Variants in CASZ1 observed in about 807,000 individuals in gnomAD.
CASZ1 encodes the protein castor zinc finger 1, also known as zinc finger protein castor homolog 1.
A neutral mutation model predicts 135.2 loss-of-function variants in CASZ1; 28 were observed. The ratio of observed to expected loss-of-function variants is 0.21; its 90% CI spans 0.15 to 0.28. The LOEUF (loss-of-function observed/expected upper bound fraction) is 0.28, where lower values mean the gene tolerates loss of function less well. Among genes scored for constraint, CASZ1 ranks in the 10% least tolerant of loss-of-function variants. CASZ1 has a pLI of 1.00. For synonymous variants in CASZ1, 1,068 were observed against 1,073.4 expected, an observed-to-expected ratio of 0.99 and a Z score of 0.10; for missense variants, 2,161 against 2,453.3, an observed-to-expected ratio of 0.88 and a Z score of 2.52.
At position 10,653,446 on chromosome 1, in the gene CASZ1, C is replaced by A; in HGVS notation, c.2611G>T (p.Gly871Cys). 2 of 1,613,336 alleles carry A rather than the reference C, an allele frequency of 1.2e-6. No individual in the cohort carries two copies. Among genetic ancestry groups the A allele is most frequent in the Non-Finnish European group, 1.7e-6 (2 of 1,179,998 alleles). ...SIMERISASK[G>C]LISPMMARLA... ...CTGGCCATCATGGGCGAGATGAGGC[C>A]CTTGCTTGCAGAGATCCTCTCCATG... Residue 871 changes from glycine to cysteine, a missense_variant, in exon 11 of 21, where the codon GGC becomes TGC. This residue lies in a region of CASZ1 where 406 missense variants were observed against 387.6 expected (regional missense o/e 1.05). Coordinates refer to ENST00000377022, the MANE Select transcript of CASZ1 (RefSeq NM_001079843.3).
chr1:10,654,145 C>T lies in CASZ1; in HGVS notation c.1912G>A (p.Asp638Asn), dbSNP rs139056324. Residue 638 changes from aspartate (D) to asparagine (N), a missense_variant, in exon 11 of 21, where the codon GAT (aspartate) becomes AAT (asparagine). Transcript: ENST00000377022. Reference protein sequence around the residue: ...EKHKSYHIKDDAYAKDGFKKF... With the variant: ...EKHKSYHIKDNAYAKDGFKKF... ...TTGAAGCCGTCCTTGGCGTAGGCAT[C>T]GTCCTTGATGTGGTAGCTCTTGTGC... The T allele has an allele frequency of 9.1e-5, 147 of 1,614,230 alleles. No homozygotes were observed. In the African/African-American group the frequency reaches 1.0e-3, roughly 11 times the overall value.
In CASZ1 at chr1:10,757,671, C is replaced by A. The variant is rs991457984; in HGVS notation, c.-77+3030G>T. 6.6e-6 allele frequency among the ~76,000 whole-genome samples: 1 copy of A among 152,148 alleles called. No homozygotes were observed. Among genetic ancestry groups the A allele is most frequent in the Non-Finnish European group, 1.5e-5 (1 of 68,034 alleles). On this transcript the variant is annotated intron_variant, in intron 2 of 20. Coordinates refer to ENST00000377022, the MANE Select transcript of CASZ1 (RefSeq NM_001079843.3). The surrounding 1 kb of genome is among the most constrained non-coding windows in gnomAD (Gnocchi z 4.6). ...GGCATGGTGGCGCTTGCCTATAATCCCAGCCACTCGAGAGGCTGAGGCAGG... is the reference window on the plus strand; with the variant it reads ...GGCATGGTGGCGCTTGCCTATAATCACAGCCACTCGAGAGGCTGAGGCAGG...
At chr1:10,764,083 G>A (rs539149205) in intron 1 of CASZ1, among the ~76,000 whole-genome samples, 91 of 152,304 alleles carry the variant, frequency 6.0e-4, no homozygotes, top group Admixed American at 1.6e-3. Context: ...GACTGGTCTC[G>A]AACTCCTGAC....
chr1:10,656,719 T>C lies in CASZ1; in HGVS notation c.1427A>G (p.His476Arg). Reference sequence around the variant, plus strand: ...GTAGGCACAGTGGATGTGGCCACAGTGCTGGCTGCCCGAGAACCTGGAGGG... The same window carrying C: ...GTAGGCACAGTGGATGTGGCCACAGCGCTGGCTGCCCGAGAACCTGGAGGG... ...KYIARFSGSQHCGHIHCAYQY... is the reference protein window; with the variant it reads ...KYIARFSGSQRCGHIHCAYQY... Residue 476 changes from histidine (H) to arginine (R), a missense_variant, in exon 8 of 21, where the codon CAC becomes CGC. By Grantham distance (29) the His-to-Arg change is conservative (BLOSUM62 0). Coordinates refer to ENST00000377022, the MANE Select transcript of CASZ1 (RefSeq NM_001079843.3). 2.5e-6 allele frequency: 4 copies of C among 1,598,108 alleles called. No homozygotes were observed. Among genetic ancestry groups the C allele is most frequent in the Non-Finnish European group, 3.4e-6 (4 of 1,173,432 alleles).
At position 10,646,418 on chromosome 1, in the gene CASZ1, C is replaced by T. The variant is rs117999173; in HGVS notation, c.3498-92G>A. ...TCACTTGTGTTGGAGTTCACTCCCCCACGACCAGCGGTACCACCAAGAGGG... is the reference window on the plus strand; with the variant it reads ...TCACTTGTGTTGGAGTTCACTCCCCTACGACCAGCGGTACCACCAAGAGGG... On this transcript the variant is annotated intron_variant, in intron 16 of 20. Coordinates refer to ENST00000377022, the MANE Select transcript of CASZ1 (RefSeq NM_001079843.3). The surrounding 1 kb of genome is among the most constrained non-coding windows in gnomAD (Gnocchi z 6.4). 3.2e-6 allele frequency: 4 copies of T among 1,234,950 alleles called. No homozygotes were observed. The highest frequency in any genetic ancestry group is 2.5e-5 in the East Asian group (1 of 40,340). The allele number at this position is 1,234,950 out of a possible 1,614,324, so 76.5% of individuals were successfully genotyped here.
intron 1 of CASZ1, among the ~76,000 whole-genome samples, chr1:10,779,800 C>A (rs181151500): frequency 6.6e-6 from 1 of 152,172 alleles, no homozygotes; most frequent in African/African-American, 2.4e-5. Flanking sequence ...CAGGTGACAC[C>A]GTATTTATTC....
chr1:10,669,442 T>C (rs1643338926), intron 4 of CASZ1, among the ~76,000 whole-genome samples: 1 of 152,194 alleles, frequency 6.6e-6, no homozygotes, highest in Non-Finnish European at 1.5e-5. Context: ...TTTACTGATA[T>C]TTATAAATAT....
Position 10,646,090 on chromosome 1 carries a change from C to T in CASZ1, c.3696+38G>A. Reference sequence around the variant, plus strand: ...TGAGCTAGCCCTGCACCTCCCTGCCCCCTACTCTGCCCCTGCGCCGTGTAC... The same window carrying T: ...TGAGCTAGCCCTGCACCTCCCTGCCTCCTACTCTGCCCCTGCGCCGTGTAC... On this transcript the variant is annotated intron_variant, in intron 17 of 20. Transcript: ENST00000377022. The surrounding 1 kb of genome is among the most constrained non-coding windows in gnomAD (Gnocchi z 6.4). 1.2e-5 allele frequency: 20 copies of T among 1,602,528 alleles called. No individual in the cohort carries two copies. Among genetic ancestry groups the T allele is most frequent in the Non-Finnish European group, 1.7e-5 (20 of 1,170,686 alleles).
chr1:10,709,377 G>A lies in CASZ1; in HGVS notation c.-76-3833C>T, dbSNP rs1257353690. 6.6e-6 allele frequency among the ~76,000 whole-genome samples: 1 copy of A among 152,176 alleles called. No individual in the cohort carries two copies. The highest frequency in any genetic ancestry group is 2.4e-5 in the African/African-American group (1 of 41,440). On this transcript the variant is annotated intron_variant, in intron 2 of 20. Transcript: ENST00000377022. The surrounding 1 kb of genome is among the most constrained non-coding windows in gnomAD (Gnocchi z 5.1). Reference sequence around the variant, plus strand: ...CAGGGGCTGGGGCCATGTCAGCCCGGCAGTGTGAGGAGGGGGGCGGCATAG... The same window carrying A: ...CAGGGGCTGGGGCCATGTCAGCCCGACAGTGTGAGGAGGGGGGCGGCATAG...
rs201529118 is a variant in CASZ1, at chr1:10,639,683, C to A, written c.4539G>T (p.Thr1513=). The part of the protein sequence containing the change: ...FADCPFSGTS[T]HFHCLRCRFR... ...AGCGGCAGCGCAGGCAGTGGAAGTG[C>A]GTGCTGGTGCCCGAGAAGGGGCAGT... Residue 1513 remains threonine, a synonymous_variant, in exon 21 of 21, where the codon ACG becomes ACT. Coordinates refer to ENST00000377022, the MANE Select transcript of CASZ1 (RefSeq NM_001079843.3). This position sits in a 1 kb window ranked among gnomAD's most constrained non-coding sequence, Gnocchi z 4.0. 844 of 1,598,370 alleles carry A rather than the reference C, an allele frequency of 5.3e-4. 4 individuals are homozygous for A. The African/African-American group carries it at 9.9e-3, about 19-fold the overall frequency.
At chr1:10,782,664 G>A (rs1327092464) in intron 1 of CASZ1, among the ~76,000 whole-genome samples, 2 of 152,122 alleles carry the variant, frequency 1.3e-5, no homozygotes, top group Non-Finnish European at 2.9e-5. Context: ...GGAACCCAGA[G>A]TAAAATGTAC....
chr1:10,674,434 G>A (rs1476342951), intron 4 of CASZ1, among the ~76,000 whole-genome samples: 3 of 152,262 alleles, frequency 2.0e-5, no homozygotes, highest in Non-Finnish European at 4.4e-5. Context: ...TGCTGCGGGA[G>A]GGCGTCCAGC....
chr1:10,660,067 C>T lies in CASZ1; in HGVS notation c.975G>A (p.Leu325=), dbSNP rs1464023954. 1 of 1,614,184 alleles carries T rather than the reference C, an allele frequency of 6.2e-7. No homozygotes were observed. The highest frequency in any genetic ancestry group is 1.1e-5 in the South Asian group (1 of 91,088). ...TGTAGGTGCTCCCGTTCTGGGGCCG[C>T]AGATTCTCGCCGGTCTTCAGTTTTT... ...FIQKLKTGEN[L]RPQNGSTYKK... Residue 325 remains leucine, a synonymous_variant, in exon 6 of 21, where the codon CTG becomes CTA. Transcript: ENST00000377022.
intron 2 of CASZ1, among the ~76,000 whole-genome samples, chr1:10,737,281 C>G (rs2100521579): frequency 6.6e-6 from 1 of 152,298 alleles, no homozygotes; most frequent in South Asian, 2.1e-4. Context: ...AGGCACAGCC[C>G]CGCTCCAACC....
intron 2 of CASZ1, among the ~76,000 whole-genome samples, chr1:10,738,544 A>G (rs897343254): frequency 3.3e-5 from 5 of 152,270 alleles, no homozygotes; most frequent in Non-Finnish European, 5.9e-5. Context: ...TCCTGCCCGC[A>G]CAAGGAGGCT....
rs1267468286 is a variant in CASZ1, at chr1:10,757,276, A to T, written c.-77+3425T>A. 6.6e-6 allele frequency among the ~76,000 whole-genome samples: 1 copy of T among 152,184 alleles called. No homozygotes were observed. Among genetic ancestry groups the T allele is most frequent in the Admixed American group, 6.5e-5 (1 of 15,276 alleles). On this transcript the variant is annotated intron_variant, in intron 2 of 20. Coordinates refer to ENST00000377022, the MANE Select transcript of CASZ1 (RefSeq NM_001079843.3). The surrounding 1 kb of genome is among the most constrained non-coding windows in gnomAD (Gnocchi z 4.6). ...CACAGAGCCACAAATCCGCGGGCAC[A>T]GAATGCTTGAGTCATCCTGGGGCCC...
Position 10,660,064 on chromosome 1 carries a change from C to T in CASZ1, c.978G>A (p.Arg326=), listed in dbSNP as rs1642963005. 2 of 1,614,054 alleles carry T rather than the reference C, an allele frequency of 1.2e-6. No individual in the cohort carries two copies. The highest frequency in any genetic ancestry group is 1.3e-5 in the African/African-American group (1 of 74,912). Residue 326 remains arginine (R), a synonymous_variant, in exon 6 of 21, where the codon CGG becomes CGA. Transcript: ENST00000377022. ...TCTTGTAGGTGCTCCCGTTCTGGGGCCGCAGATTCTCGCCGGTCTTCAGTT... is the reference window on the plus strand; with the variant it reads ...TCTTGTAGGTGCTCCCGTTCTGGGGTCGCAGATTCTCGCCGGTCTTCAGTT... The part of the protein sequence containing the change: ...IQKLKTGENL[R]PQNGSTYKKP...
In CASZ1 at chr1:10,721,440, C is replaced by CA. The variant is rs1180782381; in HGVS notation, c.-76-15897dup. Among the ~76,000 whole-genome samples the CA allele has an allele frequency of 5.9e-5, 9 of 152,076 alleles. No homozygotes were observed. The highest frequency in any genetic ancestry group is 2.2e-4 in the African/African-American group (9 of 41,398). ...GACATTCTGTCTGGGTGAGAGAAAA[C>CA]AAAAAAGGCCTGTTAACCAAAACAC... On this transcript the variant is annotated intron_variant, in intron 2 of 20. Transcript: ENST00000377022. This position sits in a 1 kb window ranked among gnomAD's most constrained non-coding sequence, Gnocchi z 5.4.
Position 10,674,254 on chromosome 1 carries a change from C to T in CASZ1, c.17-8683G>A, listed in dbSNP as rs1279875984. Reference sequence around the variant, plus strand: ...ACTTCCCCGGAGATGGGAAGACCTTCTAAGAGGAGGGCCAGTGCCTCCAGG... The same window carrying T: ...ACTTCCCCGGAGATGGGAAGACCTTTTAAGAGGAGGGCCAGTGCCTCCAGG... On this transcript the variant is annotated intron_variant, in intron 4 of 20. Coordinates refer to ENST00000377022, the MANE Select transcript of CASZ1 (RefSeq NM_001079843.3). 2.6e-5 allele frequency among the ~76,000 whole-genome samples: 4 copies of T among 152,382 alleles called. No individual in the cohort carries two copies. In the East Asian group the frequency reaches 5.8e-4, roughly 22 times the overall value.
Sources: gnomAD v4.1 joint callset for allele counts (sites outside exome capture counted in the v4.1 genomes callset) on GRCh38, gnomAD v4.1.1 for gene constraint, gnomAD v4.1.1 regional missense constraint, Gnocchi (gnomAD v3.1) non-coding constraint, MANE v1.5 for transcripts, NCBI Gene and HGNC (gene_info 2026-07-23, HGNC 2026-07-21) for gene names.